Variants in TNIK observed in about 807,000 individuals in gnomAD.
TNIK encodes the protein TRAF2 and NCK-interacting protein kinase.
Under a neutral mutation model 191.3 loss-of-function variants are expected in TNIK, and 49 were observed. That is an observed-to-expected ratio of 0.26 (90% CI 0.20 to 0.32). The LOEUF is 0.32. Ranked by LOEUF, TNIK falls within the 10% of genes least tolerant of loss-of-function variation. The pLI, the probability that TNIK is intolerant of heterozygous loss-of-function variation, is 1.00. For synonymous variants in TNIK, 594 were observed against 600.9 expected, an observed-to-expected ratio of 0.99 and a Z score of 0.17; for missense variants, 1,155 against 1,702.3, an observed-to-expected ratio of 0.68 and a Z score of 5.66.
At chr3:171,381,719 G>T (rs1718052953) in intron 1 of TNIK, among the ~76,000 whole-genome samples, 1 of 152,162 alleles carries the variant, frequency 6.6e-6, no homozygotes, top group Non-Finnish European at 1.5e-5. Context: ...CTGGCCAATG[G>T]TATGTAAGCA....
At chr3:171,235,198 T>C (rs1744113334) in intron 2 of TNIK, among the ~76,000 whole-genome samples, 1 of 152,080 alleles carries the variant, frequency 6.6e-6, no homozygotes, top group African/African-American at 2.4e-5. Context: ...CCCACTACCA[T>C]GCCCAGCTAA....
At chr3:171,372,510 G>A (rs1716643103) in intron 1 of TNIK, among the ~76,000 whole-genome samples, 1 of 152,212 alleles carries the variant, frequency 6.6e-6, no homozygotes, top group African/African-American at 2.4e-5. Context: ...GAACTGAAAT[G>A]TAGTGGTAAC....
Position 171,079,538 on chromosome 3 carries a change from C to G in TNIK, c.3428G>C (p.Gly1143Ala), listed in dbSNP as rs747724436. 1 of 1,613,598 alleles carries G rather than the reference C, an allele frequency of 6.2e-7. No individual in the cohort carries two copies. Among genetic ancestry groups the G allele is most frequent in the Non-Finnish European group, 8.5e-7 (1 of 1,179,714 alleles). Reference protein sequence around the residue: ...QGWITVGDLEGCIHYKVVKYE... With the variant: ...QGWITVGDLEACIHYKVVKYE... Reference sequence around the variant, plus strand: ...CTTACCAACTTTATAATGTATACAGCCTTCCAAGTCCCCAACAGTGATCCA... The same window carrying G: ...CTTACCAACTTTATAATGTATACAGGCTTCCAAGTCCCCAACAGTGATCCA... Residue 1143 changes from glycine to alanine, a missense_variant, in exon 28 of 33, where the codon GGC becomes GCC. Gly to Ala is a moderately conservative substitution (Grantham distance 60, BLOSUM62 0). Around this residue, in one of 3 missense-constraint regions of TNIK, gnomAD observed 195 missense variants for 415.4 expected, o/e 0.47. Coordinates refer to ENST00000436636, the MANE Select transcript of TNIK (RefSeq NM_015028.4).
intron 2 of TNIK, among the ~76,000 whole-genome samples, chr3:171,361,865 T>C (rs1450988892): frequency 6.6e-6 from 1 of 152,142 alleles, no homozygotes; most frequent in Admixed American, 6.5e-5. Flanking sequence ...GGTTATATCA[T>C]GAAAACTGTT....
chr3:171,181,627 G>T (rs1269489665), intron 7 of TNIK, among the ~76,000 whole-genome samples: 1 of 152,168 alleles, frequency 6.6e-6, no homozygotes, highest in Non-Finnish European at 1.5e-5. Flanking sequence ...TATAGCTAGT[G>T]TCTTGCTAAC....
At chr3:171,082,573 G>A in intron 26 of TNIK, 179 bp from the exon 27 acceptor site, 1 of 714,880 alleles carries the variant, frequency 1.4e-6, no homozygotes, top group African/African-American at 1.8e-5. Flanking sequence ...TGTACTTCTG[G>A]TAATGAAATT....
At chr3:171,328,111 G>A (rs894334738) in intron 2 of TNIK, among the ~76,000 whole-genome samples, 5 of 152,006 alleles carry the variant, frequency 3.3e-5, no homozygotes, top group Non-Finnish European at 5.9e-5. Flanking sequence ...TAGGAGATGC[G>A]GCCTTTGGGA....
intron 24 of TNIK, 35 bp downstream of exon 24, chr3:171,087,307 C>G (rs760104910): frequency 6.2e-7 from 1 of 1,611,890 alleles, no homozygotes; most frequent in Non-Finnish European, 8.5e-7. Flanking sequence ...GGAAGGACAG[C>G]AGAACTGTCA....
At chr3:171,356,702 G>A (rs1714126513) in intron 2 of TNIK, among the ~76,000 whole-genome samples, 1 of 152,130 alleles carries the variant, frequency 6.6e-6, no homozygotes, top group Non-Finnish European at 1.5e-5. Flanking sequence ...TAGGCGACTC[G>A]ATCAGGAGTC....
intron 1 of TNIK, among the ~76,000 whole-genome samples, chr3:171,414,066 C>G (rs182891394): frequency 6.6e-6 from 1 of 152,264 alleles, no homozygotes. Flanking sequence ...ATCCATCCAC[C>G]CATTTATGTT....
intron 2 of TNIK, among the ~76,000 whole-genome samples, chr3:171,280,414 A>G (rs1273980184): frequency 6.6e-6 from 1 of 151,858 alleles, no homozygotes; most frequent in Admixed American, 6.6e-5. Flanking sequence ...CAGGCACTTA[A>G]CCTCTGTGAA....
chr3:171,092,816 A>G (rs994873916), intron 23 of TNIK, among the ~76,000 whole-genome samples: 1 of 152,226 alleles, frequency 6.6e-6, no homozygotes, highest in Non-Finnish European at 1.5e-5. Flanking sequence ...TTTGGAGAGC[A>G]AAGTCTGCTA....
intron 2 of TNIK, among the ~76,000 whole-genome samples, chr3:171,299,491 T>C (rs1014621342): frequency 6.6e-6 from 1 of 152,192 alleles, no homozygotes; most frequent in Non-Finnish European, 1.5e-5. Context: ...GTGACCACAC[T>C]GCAGCTTGGG....
chr3:171,410,010 G>A (rs1271704274), intron 1 of TNIK, among the ~76,000 whole-genome samples: 1 of 151,718 alleles, frequency 6.6e-6, no homozygotes, highest in African/African-American at 2.4e-5. Context: ...CCACAATTTT[G>A]TACAAACAAG....
chr3:171,177,698 T>A (rs551148299), intron 7 of TNIK, among the ~76,000 whole-genome samples: 10 of 152,350 alleles, frequency 6.6e-5, no homozygotes, highest in South Asian at 2.1e-4. Context: ...AACACCATCA[T>A]TGAGCTATAA....
chr3:171,336,342 ACCT>A (rs1212430565), intron 2 of TNIK, among the ~76,000 whole-genome samples: 1 of 151,878 alleles, frequency 6.6e-6, no homozygotes, highest in African/African-American at 2.4e-5. Context: ...CACACTCTTA[ACCT>A]CCTATCAGTT....
At chr3:171,195,731 T>C (rs950611215) in intron 4 of TNIK, among the ~76,000 whole-genome samples, 1 of 152,164 alleles carries the variant, frequency 6.6e-6, no homozygotes, top group Non-Finnish European at 1.5e-5. Flanking sequence ...TGTCTTCTTA[T>C]GATTCCACAA....
chr3:171,294,229 A>AAAAC (rs71178203), intron 2 of TNIK, among the ~76,000 whole-genome samples: 8 of 150,144 alleles, frequency 5.3e-5, no homozygotes, highest in Non-Finnish European at 1.0e-4. Context: ...ACTCTGTCTC[A>AAAAC]AAACAAACAA....
At chr3:171,218,584 T>A (rs964224664) in intron 3 of TNIK, among the ~76,000 whole-genome samples, 1 of 151,368 alleles carries the variant, frequency 6.6e-6, no homozygotes, top group East Asian at 1.9e-4. Context: ...TCCCCCCTTT[T>A]GGCTTTGGTT....
Sources: allele counts gnomAD v4.1 joint callset (sites outside exome capture counted in the v4.1 genomes callset), GRCh38; gene constraint gnomAD v4.1.1; regional missense constraint gnomAD v4.1.1; transcripts MANE v1.5; gene names NCBI Gene and HGNC (gene_info 2026-07-23, HGNC 2026-07-21).